Variants in RELN observed in about 807,000 individuals in gnomAD.
The protein encoded by RELN is reelin.
In RELN, 108 loss-of-function variants were observed where a neutral mutation model predicts 427.6. That is an observed-to-expected ratio of 0.25 (90% CI 0.22 to 0.30). RELN has a LOEUF of 0.30. Ranked by LOEUF, RELN falls within the 10% of genes least tolerant of loss-of-function variation. The pLI is 1.00. For missense variants in RELN, 3,715 were observed against 4,302.8 expected (o/e 0.86, Z 3.82); for synonymous variants, 1,524 against 1,513.4 (o/e 1.01, Z -0.16).
intron 3 of RELN, among the ~76,000 whole-genome samples, chr7:103,823,246 G>C (rs981658828): frequency 1.3e-5 from 2 of 151,550 alleles, no homozygotes; most frequent in African/African-American, 4.8e-5. Flanking sequence ...TTATCTCTTA[G>C]AAACAGCATA....
rs780003150 is a variant in RELN, at chr7:103,727,076, C to G, written c.753+1035G>C. 1.5e-4 allele frequency among the ~76,000 whole-genome samples: 23 copies of G among 152,106 alleles called. 1 individual carries two copies. The highest frequency in any genetic ancestry group is 1.5e-3 in the South Asian group (7 of 4,824). Reference sequence around the variant, plus strand: ...GCATCATAAAATAAGAACCATCTTACAACAATTAATTGGCTTTCACATTTT... The same window carrying G: ...GCATCATAAAATAAGAACCATCTTAGAACAATTAATTGGCTTTCACATTTT... On this transcript the variant is annotated intron_variant, in intron 7 of 64. Transcript: ENST00000428762.
At chr7:103,587,187 G>A (rs1039197322) in intron 28 of RELN, among the ~76,000 whole-genome samples, 2 of 152,116 alleles carry the variant, frequency 1.3e-5, no homozygotes, top group African/African-American at 4.8e-5. Flanking sequence ...TACACACACA[G>A]ACCAATGGAA....
At chr7:103,927,174 G>A (rs1004424197) in intron 1 of RELN, among the ~76,000 whole-genome samples, 1 of 152,150 alleles carries the variant, frequency 6.6e-6, no homozygotes, top group Non-Finnish European at 1.5e-5. Context: ...CCCTGTGGGT[G>A]TGAGACTATG....
chr7:103,818,471 T>G (rs1792936174), intron 3 of RELN, among the ~76,000 whole-genome samples: 1 of 152,202 alleles, frequency 6.6e-6, no homozygotes, highest in South Asian at 2.1e-4. Flanking sequence ...CTCTTACTGT[T>G]AAAAGTTGAA....
intron 6 of RELN, among the ~76,000 whole-genome samples, chr7:103,735,725 G>A (rs907418680): frequency 6.6e-5 from 10 of 152,116 alleles, no homozygotes; most frequent in African/African-American, 2.2e-4. Context: ...CTCACTGACA[G>A]TCAGTTATCA....
chr7:103,752,584 AT>A (rs956290576), intron 5 of RELN, among the ~76,000 whole-genome samples: 1 of 149,994 alleles, frequency 6.7e-6, no homozygotes, highest in East Asian at 2.0e-4. Flanking sequence ...AATTTTTAAC[AT>A]TTTTTTTTGG....
chr7:103,734,181 G>T (rs958466760), intron 6 of RELN, among the ~76,000 whole-genome samples: 1 of 152,160 alleles, frequency 6.6e-6, no homozygotes, highest in Non-Finnish European at 1.5e-5. Context: ...TCAGGAAAAT[G>T]TTGGGCTTTG....
chr7:103,893,841 T>C (rs17269079), intron 2 of RELN, among the ~76,000 whole-genome samples: 60,699 of 151,932 alleles, frequency 0.4, 13,017 homozygotes, highest in East Asian at 0.76. Flanking sequence ...ATCACTAAGA[T>C]AGAGTAATGT....
chr7:103,739,534 T>C (rs188335358), intron 6 of RELN, among the ~76,000 whole-genome samples: 19 of 152,334 alleles, frequency 1.2e-4, no homozygotes, highest in African/African-American at 4.6e-4. Context: ...TTGGGTTCAA[T>C]GGCACATTGG....
At chr7:103,539,414 G>T in intron 44 of RELN, 87 bp from the exon 45 acceptor site, 1 of 1,384,842 alleles carries the variant, frequency 7.2e-7, no homozygotes, top group Non-Finnish European at 1.0e-6. Context: ...TTGTTTGTTT[G>T]TTTTGATCTG....
intron 50 of RELN, among the ~76,000 whole-genome samples, chr7:103,514,266 A>AAAT (rs1348603496): frequency 6.6e-6 from 1 of 152,218 alleles, no homozygotes; most frequent in Admixed American, 6.5e-5. Context: ...GTAGTATAAC[A>AAAT]AATATGTGGC....
chr7:103,744,317 A>G (rs1790756134), intron 6 of RELN, among the ~76,000 whole-genome samples: 3 of 152,072 alleles, frequency 2.0e-5, no homozygotes, highest in Admixed American at 2.0e-4. Flanking sequence ...AGCAGGAAAG[A>G]TCCAAAATTG....
intron 41 of RELN, among the ~76,000 whole-genome samples, chr7:103,545,850 G>A (rs576187751): frequency 6.6e-6 from 1 of 152,200 alleles, no homozygotes; most frequent in African/African-American, 2.4e-5. Flanking sequence ...TGGCCAGGCT[G>A]GTCTTGAACT....
chr7:103,867,685 T>C (rs1394605399), intron 2 of RELN, among the ~76,000 whole-genome samples: 3 of 152,114 alleles, frequency 2.0e-5, no homozygotes, highest in African/African-American at 7.2e-5. Context: ...GTGTTGTTCC[T>C]GATTTAGCTT....
At chr7:103,488,416 A>G (rs949515132) in intron 60 of RELN, among the ~76,000 whole-genome samples, 1 of 152,220 alleles carries the variant, frequency 6.6e-6, no homozygotes, top group African/African-American at 2.4e-5. Context: ...TCATTTGACT[A>G]GAGTTAAAAT....
intron 6 of RELN, among the ~76,000 whole-genome samples, chr7:103,731,358 G>T (rs1259101341): frequency 1.3e-5 from 2 of 152,054 alleles, no homozygotes; most frequent in East Asian, 3.9e-4. Context: ...CATGCAGAAA[G>T]GCAGCAAAGG....
chr7:103,761,214 C>T (rs375017255), intron 4 of RELN, among the ~76,000 whole-genome samples: 11 of 152,144 alleles, frequency 7.2e-5, no homozygotes, highest in African/African-American at 2.2e-4. Flanking sequence ...ATCTTTATAA[C>T]CTGCAACTAG....
chr7:103,640,105 G>A lies in RELN; in HGVS notation c.2069+438C>T, dbSNP rs1377580025. Among the ~76,000 whole-genome samples the A allele has an allele frequency of 6.6e-6, 1 of 152,174 alleles. No individual in the cohort carries two copies. The highest frequency in any genetic ancestry group is 1.5e-5 in the Non-Finnish European group (1 of 68,026). On this transcript the variant is annotated intron_variant, in intron 17 of 64. Coordinates refer to ENST00000428762, the MANE Select transcript of RELN (RefSeq NM_005045.4). The surrounding 1 kb of genome is among the most constrained non-coding windows in gnomAD (Gnocchi z 4.1). ...CGCTTAAGTTATATTTAAAGATGAT[G>A]AATTTGCTTATCAAATCTGCTAAAT...
Position 103,698,002 on chromosome 7 carries a change from T to A in RELN, c.994A>T (p.Asn332Tyr). Residue 332 changes from asparagine (N) to tyrosine (Y), a missense_variant, in exon 10 of 65, where the codon AAT (asparagine) becomes TAT (tyrosine). Physicochemically the swap from Asn to Tyr is moderately radical, Grantham distance 143 (BLOSUM62 -2). Transcript: ENST00000428762. ...TCATACACTTCACCTACACGAAGAT[T>A]TTCCTGCTTCCACTGAAATTGGACA... is the stretch of plus-strand genomic sequence containing the variant. ...ENVQFQWKQENLRVGEVYEAC... is the reference protein window; with the variant it reads ...ENVQFQWKQEYLRVGEVYEAC... 1 of 1,613,824 alleles carries A rather than the reference T, an allele frequency of 6.2e-7. No individual in the cohort carries two copies. Among genetic ancestry groups the A allele is most frequent in the Non-Finnish European group, 8.5e-7 (1 of 1,179,820 alleles).
Sources: allele counts gnomAD v4.1 joint callset (sites outside exome capture counted in the v4.1 genomes callset), GRCh38; gene constraint gnomAD v4.1.1; non-coding constraint Gnocchi (gnomAD v3.1); transcripts MANE v1.5; gene names NCBI Gene and HGNC (gene_info 2026-07-23, HGNC 2026-07-21).